Variants in LRMDA observed in about 807,000 individuals in gnomAD.
LRMDA encodes leucine-rich melanocyte differentiation-associated protein.
In LRMDA, 18 loss-of-function variants were observed where a neutral mutation model predicts 29.8. The observed-to-expected ratio is 0.60, with a 90% CI of 0.42 to 0.90. The LOEUF (loss-of-function observed/expected upper bound fraction) is 0.90, where lower values mean the gene tolerates loss of function less well. Ranked by LOEUF, LRMDA falls within the 40% of genes least tolerant of loss-of-function variation. LRMDA has a pLI of 0.00. For synonymous variants in LRMDA, 125 were observed against 109.4 expected, an observed-to-expected ratio of 1.14 and a Z score of -0.89; for missense variants, 273 against 273.9, an observed-to-expected ratio of 1.00 and a Z score of 0.02.
At chr10:75,701,016 C>G (rs909287871) in intron 2 of LRMDA, among the ~76,000 whole-genome samples, 6 of 152,178 alleles carry the variant, frequency 3.9e-5, no homozygotes, top group African/African-American at 1.4e-4. Context: ...ACTAACTCAT[C>G]TCCTCGGCAT....
At chr10:75,853,209 G>C (rs1255361903) in intron 2 of LRMDA, among the ~76,000 whole-genome samples, 1 of 152,056 alleles carries the variant, frequency 6.6e-6, no homozygotes, top group Non-Finnish European at 1.5e-5. Context: ...ATGAAGATAG[G>C]GTTTTTAAGG....
At chr10:75,957,191 G>T (rs1589266437) in intron 2 of LRMDA, among the ~76,000 whole-genome samples, 1 of 152,322 alleles carries the variant, frequency 6.6e-6, no homozygotes, top group East Asian at 1.9e-4. Context: ...CTAAGAAATA[G>T]TCTTTGTATT....
intron 2 of LRMDA, among the ~76,000 whole-genome samples, chr10:75,540,963 A>G (rs996993174): frequency 1.3e-4 from 19 of 152,000 alleles, no homozygotes; most frequent in African/African-American, 4.4e-4. Context: ...ACTTAGGGAA[A>G]CAAGTTTTGT....
rs545626074 is a variant in LRMDA, at chr10:76,394,016, T to G, written c.601+69531T>G. 1.2e-4 allele frequency among the ~76,000 whole-genome samples: 18 copies of G among 152,322 alleles called. No individual in the cohort carries two copies. In the South Asian group the frequency reaches 1.7e-3, roughly 14 times the overall value. ...GGCTTTCTATTCTGTTCCATTAGTC[T>G]ATGTGTCTTTATGGCTTTCAAATAT... is the stretch of plus-strand genomic sequence containing the variant. On this transcript the variant is annotated intron_variant, in intron 6 of 6. Transcript: ENST00000611255.
intron 5 of LRMDA, among the ~76,000 whole-genome samples, chr10:76,091,256 C>T (rs1322488738): frequency 1.3e-5 from 2 of 151,286 alleles, no homozygotes. Context: ...AAACTGTTCT[C>T]CTGAAATAAA....
chr10:75,774,427 C>T (rs1267631906), intron 2 of LRMDA, among the ~76,000 whole-genome samples: 1 of 151,908 alleles, frequency 6.6e-6, no homozygotes, highest in Admixed American at 6.6e-5. Flanking sequence ...CATAACAGTT[C>T]AGTTAAATTC....
intron 4 of LRMDA, among the ~76,000 whole-genome samples, chr10:76,054,082 G>T (rs1305409066): frequency 2.6e-5 from 4 of 152,122 alleles, no homozygotes; most frequent in Admixed American, 6.5e-5. Context: ...TCCTCATGTT[G>T]GTACTTGACT....
At chr10:76,154,116 CTG>C (rs1191976733) in intron 5 of LRMDA, among the ~76,000 whole-genome samples, 5 of 152,216 alleles carry the variant, frequency 3.3e-5, no homozygotes, top group Non-Finnish European at 5.9e-5. Flanking sequence ...TTAAATTGCT[CTG>C]TGGATAGAAC....
intron 2 of LRMDA, among the ~76,000 whole-genome samples, chr10:75,535,521 T>G (rs987668891): frequency 1.3e-5 from 2 of 152,190 alleles, no homozygotes; most frequent in African/African-American, 2.4e-5. Context: ...TGCTCTTTTA[T>G]TTTCCCATCT....
At chr10:75,548,158 G>C (rs1243407444) in intron 2 of LRMDA, among the ~76,000 whole-genome samples, 1 of 151,650 alleles carries the variant, frequency 6.6e-6, no homozygotes, top group Non-Finnish European at 1.5e-5. Context: ...TGGCCTATTG[G>C]GAGCCCTTAA....
At chr10:75,716,868 G>T (rs1029109791) in intron 2 of LRMDA, among the ~76,000 whole-genome samples, 4 of 152,176 alleles carry the variant, frequency 2.6e-5, no homozygotes. Context: ...GGCTGATGGG[G>T]CAGCGAAAAG....
intron 5 of LRMDA, chr10:76,318,774 G>A (rs1405835659): frequency 6.6e-6 from 1 of 152,240 alleles, no homozygotes; most frequent in Non-Finnish European, 1.5e-5. Context: ...ATCTGTGAGA[G>A]GGGTGGGAAG....
intron 2 of LRMDA, among the ~76,000 whole-genome samples, chr10:75,984,012 T>C (rs542541775): frequency 1.3e-5 from 2 of 152,098 alleles, no homozygotes; most frequent in Non-Finnish European, 2.9e-5. Context: ...CTGCTCCCCA[T>C]GCAGGGAGCC....
chr10:75,834,352 A>G (rs1210821188), intron 2 of LRMDA, among the ~76,000 whole-genome samples: 1 of 152,088 alleles, frequency 6.6e-6, no homozygotes, highest in Admixed American at 6.5e-5. Flanking sequence ...GTGAAAGAAT[A>G]CTCTGATATT....
chr10:76,082,684 C>T (rs1277874403), intron 5 of LRMDA, among the ~76,000 whole-genome samples: 1 of 152,002 alleles, frequency 6.6e-6, no homozygotes, highest in Non-Finnish European at 1.5e-5. Context: ...ATTGAAAAAC[C>T]AGGTAATGGC....
intron 2 of LRMDA, among the ~76,000 whole-genome samples, chr10:75,812,622 A>T (rs1843985128): frequency 6.6e-6 from 1 of 152,218 alleles, no homozygotes; most frequent in African/African-American, 2.4e-5. Context: ...ATTTATAGTT[A>T]AATGGTGCAG....
At chr10:75,849,776 A>C (rs1564585631) in intron 2 of LRMDA, among the ~76,000 whole-genome samples, 1 of 152,252 alleles carries the variant, frequency 6.6e-6, no homozygotes, top group East Asian at 1.9e-4. Context: ...AATTTAAAAA[A>C]GCCCTAAGTA....
At chr10:75,634,276 A>T (rs1281521086) in intron 2 of LRMDA, among the ~76,000 whole-genome samples, 1 of 152,220 alleles carries the variant, frequency 6.6e-6, no homozygotes, top group African/African-American at 2.4e-5. Flanking sequence ...ATTTTGGAAG[A>T]TCTTGCCTAG....
At chr10:76,134,789 T>C (rs1416546719) in intron 5 of LRMDA, among the ~76,000 whole-genome samples, 1 of 152,116 alleles carries the variant, frequency 6.6e-6, no homozygotes, top group Non-Finnish European at 1.5e-5. Context: ...TTCCCTCCAA[T>C]AAAATTTGAT....
Sources: gnomAD v4.1 joint callset for allele counts (sites outside exome capture counted in the v4.1 genomes callset) on GRCh38, gnomAD v4.1.1 for gene constraint, MANE v1.5 for transcripts, NCBI Gene and HGNC (gene_info 2026-07-23, HGNC 2026-07-21) for gene names.